NKAIN1: variants seen among roughly 807,000 people sequenced by gnomAD.
The protein encoded by NKAIN1 is sodium/potassium transporting ATPase interacting 1.
NKAIN1 carries 13 observed loss-of-function variants against 31.6 expected under a neutral mutation model. That is an observed-to-expected ratio of 0.41 (90% confidence interval 0.27 to 0.65). NKAIN1 has a LOEUF of 0.65. Among genes scored for constraint, NKAIN1 ranks in the 30% least tolerant of loss-of-function variants. The pLI is 0.30. For missense variants in NKAIN1, 193 were observed against 262.2 expected, an observed-to-expected ratio of 0.74 and a Z score of 1.82; for synonymous variants, 104 against 109.0, an observed-to-expected ratio of 0.95 and a Z score of 0.28.
At chr1:31,204,466 T>G (rs779097460) in intron 1 of NKAIN1, among the ~76,000 whole-genome samples, 3 of 152,126 alleles carry the variant, frequency 2.0e-5, no homozygotes, top group Non-Finnish European at 4.4e-5. Flanking sequence ...ACGTCTAAAC[T>G]ACTGAGGCAT....
chr1:31,225,528 C>T (rs1011530696), intron 1 of NKAIN1, among the ~76,000 whole-genome samples: 17 of 151,830 alleles, frequency 1.1e-4, no homozygotes, highest in African/African-American at 3.6e-4. Context: ...AGGGTTTGCA[C>T]TCTTGGCCAG....
intron 1 of NKAIN1, among the ~76,000 whole-genome samples, chr1:31,221,281 C>A (rs1290737755): frequency 1.3e-5 from 2 of 152,126 alleles, no homozygotes; most frequent in East Asian, 3.9e-4. Flanking sequence ...CCTGGGCAGG[C>A]TTTCAGTGTC....
chr1:31,200,025 GCACACACACACA>G (rs3046275), intron 1 of NKAIN1, among the ~76,000 whole-genome samples: 1 of 49,320 alleles, frequency 2.0e-5, no homozygotes, highest in Non-Finnish European at 9.4e-5. Flanking sequence ...ACACACACAC[GCACACACACACA>G]CATGCACACG....
intron 1 of NKAIN1, among the ~76,000 whole-genome samples, chr1:31,210,316 T>C (rs1481766126): frequency 6.8e-6 from 1 of 146,910 alleles, no homozygotes; most frequent in South Asian, 2.1e-4. Context: ...TTTAATGGAG[T>C]CTCACTCTGT....
chr1:31,181,973 C>A (rs1231138559), intron 5 of NKAIN1, 32 bp from the exon 6 acceptor site: 12 of 1,583,550 alleles, frequency 7.6e-6, no homozygotes, highest in Non-Finnish European at 9.4e-6. Flanking sequence ...TGTTAGGGAT[C>A]GGCGGCGGGG....
intron 1 of NKAIN1, among the ~76,000 whole-genome samples, chr1:31,206,529 G>A (rs1645425707): frequency 6.6e-6 from 1 of 151,156 alleles, no homozygotes; most frequent in East Asian, 2.0e-4. Flanking sequence ...TCTGCCTCCT[G>A]GGCTCAAGTG....
intron 1 of NKAIN1, among the ~76,000 whole-genome samples, chr1:31,220,549 G>A (rs1034102042): frequency 3.3e-5 from 5 of 151,856 alleles, no homozygotes; most frequent in Non-Finnish European, 5.9e-5. Context: ...GAGATCAGGA[G>A]TTTGAGACCA....
At position 31,182,549 on chromosome 1, in the gene NKAIN1, G is replaced by C. The variant is rs376895441; in HGVS notation, c.513C>G (p.Phe171Leu). ...FVFACYVSKV[F>L]LEEEDSFDFI... ...ACTCACAGCTGTCCTCCTCCTCCAG[G>C]AACACTTTGCTCACGTAGCAGGCGA... The change falls in exon 5 of 7, where the codon TTC becomes TTG. Residue 171 changes from phenylalanine (F) to leucine (L), a missense_variant. Coordinates refer to ENST00000373736, the MANE Select transcript of NKAIN1 (RefSeq NM_024522.3). The C allele has an allele frequency of 3.5e-5, 57 of 1,614,018 alleles. No individual in the cohort carries two copies. The highest frequency in any genetic ancestry group is 3.3e-4 in the Middle Eastern group (2 of 6,084).
In NKAIN1 at chr1:31,185,237, T is replaced by TG. The variant is rs569789158; in HGVS notation, c.273+9dup. The TG allele has an allele frequency of 2.3e-3, 3,765 of 1,602,812 alleles. 5 individuals carry two copies. The highest frequency in any genetic ancestry group is 2.7e-3 in the Non-Finnish European group (3,224 of 1,173,784). On this transcript the variant is annotated intron_variant, in intron 3 of 6. Coordinates refer to ENST00000373736, the MANE Select transcript of NKAIN1 (RefSeq NM_024522.3). ...CTCTGCCCTATGGCACTGCCAGGTC[T>TG]GAGGCTTACCTGGGACAGCTGTCCA...
chr1:31,204,972 C>T (rs939191446), intron 1 of NKAIN1, among the ~76,000 whole-genome samples: 16 of 152,172 alleles, frequency 1.1e-4, no homozygotes, highest in Admixed American at 5.9e-4. Context: ...TCTCAGCTCT[C>T]ACAAGTTGTA....
intron 1 of NKAIN1, among the ~76,000 whole-genome samples, chr1:31,229,732 T>C (rs1405272062): frequency 3.3e-5 from 5 of 152,096 alleles, no homozygotes; most frequent in Non-Finnish European, 7.4e-5. Flanking sequence ...AGTCTCCTCC[T>C]GACCCCAGGC....
chr1:31,205,687 G>C (rs918127295), intron 1 of NKAIN1, among the ~76,000 whole-genome samples: 1 of 132,744 alleles, frequency 7.5e-6, no homozygotes, highest in Non-Finnish European at 1.6e-5. Context: ...GCACGATCTC[G>C]GCTCGGCTCA....
intron 1 of NKAIN1, among the ~76,000 whole-genome samples, chr1:31,196,775 CATCT>C (rs1474385706): frequency 2.6e-5 from 4 of 152,016 alleles, no homozygotes; most frequent in Admixed American, 2.6e-4. Flanking sequence ...TTTCAGTCCT[CATCT>C]TACCTGACCT....
Position 31,233,297 on chromosome 1 carries a change from GA to G in NKAIN1, c.54+6196del, listed in dbSNP as rs955987206. On this transcript the variant is annotated intron_variant, in intron 1 of 6. Transcript: ENST00000373736. This position sits in a 1 kb window ranked among gnomAD's most constrained non-coding sequence, Gnocchi z 4.0. The stretch of plus-strand genomic sequence containing the variant: ...CCAGCACAGAGCTTGGGGGTGGGTA[GA>G]ATGGGGAGAGGGGGCATCTGTGTAA... 5.3e-5 allele frequency among the ~76,000 whole-genome samples: 8 copies of G among 152,182 alleles called. No individual in the cohort carries two copies. The highest frequency in any genetic ancestry group is 5.9e-5 in the Non-Finnish European group (4 of 68,030).
At chr1:31,226,523 C>CTT (rs35709945) in intron 1 of NKAIN1, among the ~76,000 whole-genome samples, 15 of 132,140 alleles carry the variant, frequency 1.1e-4, no homozygotes, top group Middle Eastern at 3.5e-3. Flanking sequence ...TGAAGAAAAT[C>CTT]TTTTTTTTTT....
chr1:31,215,965 G>A (rs7520468), intron 1 of NKAIN1, among the ~76,000 whole-genome samples: 77,301 of 151,828 alleles, frequency 0.51, 21,071 homozygotes, highest in East Asian at 0.77. Flanking sequence ...CTGCCCCCTC[G>A]TTCTACGAAG....
In NKAIN1 at chr1:31,231,638, G is replaced by C. The variant is rs532240382; in HGVS notation, c.54+7856C>G. Among the ~76,000 whole-genome samples, 6 of 152,110 alleles carry C rather than the reference G, an allele frequency of 3.9e-5. No individual in the cohort carries two copies. The East Asian group carries it at 5.8e-4, about 15-fold the overall frequency. ...CTCCGCCTCCTGGGTTCATGCCACT[G>C]TCCTGCCTCAGCCTCCCGAGTAGCT... is the stretch of plus-strand genomic sequence containing the variant. On this transcript the variant is annotated intron_variant, in intron 1 of 6. Coordinates refer to ENST00000373736, the MANE Select transcript of NKAIN1 (RefSeq NM_024522.3).
chr1:31,232,482 T>TCTCA (rs1284606447), intron 1 of NKAIN1, among the ~76,000 whole-genome samples: 1 of 95,820 alleles, frequency 1.0e-5, no homozygotes, highest in East Asian at 3.7e-4. Context: ...GTGGGGGAGG[T>TCTCA]CTCACTATGT....
At position 31,194,853 on chromosome 1, in the gene NKAIN1, T is replaced by C. The variant is rs1570455677; in HGVS notation, c.55-6666A>G. On this transcript the variant is annotated intron_variant, in intron 1 of 6. Transcript: ENST00000373736. ...GTGGCGGGATCTCAGCTCACCGCAA[T>C]CTCTGCCTCCCAGGTTCAAGCGATT... Among the ~76,000 whole-genome samples, 5 of 127,508 alleles carry C rather than the reference T, an allele frequency of 3.9e-5. No homozygotes were observed. The South Asian group carries it at 1.5e-3, about 38-fold the overall frequency. The allele number at this position is 127,508 out of a possible 152,430, so 83.7% of individuals were successfully genotyped here. A position where few individuals can be genotyped will look rare whatever the true frequency, so the allele number is the denominator to read the frequency against.
Sources: gnomAD v4.1 joint callset for allele counts (sites outside exome capture counted in the v4.1 genomes callset) on GRCh38, gnomAD v4.1.1 for gene constraint, Gnocchi (gnomAD v3.1) non-coding constraint, MANE v1.5 for transcripts, NCBI Gene and HGNC (gene_info 2026-07-23, HGNC 2026-07-21) for gene names.